The following GOLIM4 variants were observed in gnomAD, a reference collection of about 807,000 sequenced individuals.
GOLIM4 encodes golgi integral membrane protein 4, also known as 130 kDa golgi-localized phosphoprotein.
A neutral mutation model predicts 107.4 loss-of-function variants in GOLIM4; 71 were observed. The observed-to-expected ratio is 0.66, with a 90% CI of 0.55 to 0.81. GOLIM4 has a LOEUF of 0.81. Among genes scored for constraint, GOLIM4 ranks in the 30% least tolerant of loss-of-function variants. The probability of loss-of-function intolerance (pLI) is 0.00; values close to 1 mark genes in which losing one functional copy is unlikely to be tolerated. For synonymous variants in GOLIM4, 327 were observed against 294.8 expected (o/e 1.11, Z -1.12); for missense variants, 830 against 826.1 (o/e 1.00, Z -0.06).
In GOLIM4 at chr3:168,036,965, T is replaced by C. The variant is rs1718685757; in HGVS notation, c.714A>G (p.Lys238=). The change falls in exon 8 of 16, where the codon AAA becomes AAG. Residue 238 remains lysine (K), a synonymous_variant. Transcript: ENST00000470487. ...QTQVAEYKQL[K]DTLNRIPSLR... Reference sequence around the variant, plus strand: ...GGCTTGGAATCCTATTCAGAGTATCTTTCAGTTGTTTATATTCTGCAACTT... The same window carrying C: ...GGCTTGGAATCCTATTCAGAGTATCCTTCAGTTGTTTATATTCTGCAACTT... 1.3e-6 allele frequency: 2 copies of C among 1,587,370 alleles called. No homozygotes were observed. The highest frequency in any genetic ancestry group is 2.8e-5 in the African/African-American group (2 of 70,224).
intron 14 of GOLIM4, among the ~76,000 whole-genome samples, chr3:168,013,013 T>A (rs964042636): frequency 2.0e-5 from 3 of 148,006 alleles, no homozygotes; most frequent in African/African-American, 7.9e-5. Flanking sequence ...AACATCATAA[T>A]GACAGGATGA....
intron 1 of GOLIM4, among the ~76,000 whole-genome samples, chr3:168,081,289 A>G (rs1353120053): frequency 6.6e-6 from 1 of 152,216 alleles, no homozygotes; most frequent in Non-Finnish European, 1.5e-5. Flanking sequence ...ATCCTTATGG[A>G]GCCTGCCTAG....
At chr3:168,086,052 TA>T (rs1319356692) in intron 1 of GOLIM4, among the ~76,000 whole-genome samples, 1 of 151,900 alleles carries the variant, frequency 6.6e-6, no homozygotes, top group South Asian at 2.1e-4. Context: ...GCCTATACAG[TA>T]AAAAAAATTA....
chr3:168,081,788 TC>T (rs1198567128), intron 1 of GOLIM4, among the ~76,000 whole-genome samples: 1 of 152,216 alleles, frequency 6.6e-6, no homozygotes, highest in African/African-American at 2.4e-5. Context: ...TACACATTTC[TC>T]ATGTAATTGC....
intron 1 of GOLIM4, among the ~76,000 whole-genome samples, chr3:168,067,682 A>AATTATAGGAATTATAAAGT (rs1720621659): frequency 6.6e-6 from 1 of 152,148 alleles, no homozygotes; most frequent in Admixed American, 6.5e-5. Context: ...TAATAAAAGT[A>AATTATAGGAATTATAAAGT]ATTATAGGAA....
chr3:168,012,901 G>T (rs1322417594), intron 14 of GOLIM4, among the ~76,000 whole-genome samples: 1 of 151,682 alleles, frequency 6.6e-6, no homozygotes, highest in Non-Finnish European at 1.5e-5. Context: ...GCTAAACATG[G>T]AAAGGAACAA....
intron 1 of GOLIM4, among the ~76,000 whole-genome samples, chr3:168,066,745 TTA>T (rs1720567297): frequency 1.3e-5 from 2 of 152,154 alleles, no homozygotes; most frequent in African/African-American, 2.4e-5. Context: ...TGATTTAAAA[TTA>T]CTAGTATCTA....
intron 13 of GOLIM4, 90 bp from the exon 14 acceptor site, chr3:168,024,684 A>G: frequency 9.2e-7 from 1 of 1,083,188 alleles, no homozygotes; most frequent in Non-Finnish European, 1.4e-6. Flanking sequence ...GCATGCCACC[A>G]TGAAAAGGGC....
chr3:168,013,172 T>A (rs1717156560), intron 14 of GOLIM4, among the ~76,000 whole-genome samples: 2 of 150,670 alleles, frequency 1.3e-5, no homozygotes, highest in South Asian at 4.2e-4. Flanking sequence ...ACACATAGGC[T>A]CAAAATAAAA....
intron 1 of GOLIM4, among the ~76,000 whole-genome samples, chr3:168,070,480 G>C (rs1024635084): frequency 1.3e-5 from 2 of 152,158 alleles, no homozygotes; most frequent in Admixed American, 6.5e-5. Context: ...AAAATACATA[G>C]TTTCTTCATC....
intron 12 of GOLIM4, among the ~76,000 whole-genome samples, chr3:168,026,415 G>A (rs1343006202): frequency 6.6e-6 from 1 of 152,170 alleles, no homozygotes; most frequent in Admixed American, 6.5e-5. Context: ...GAATTAGCAG[G>A]CACAGTTGTT....
chr3:168,075,306 T>C (rs1318722391), intron 1 of GOLIM4, among the ~76,000 whole-genome samples: 1 of 110,558 alleles, frequency 9.0e-6, no homozygotes, highest in African/African-American at 3.5e-5. Context: ...TTTTTTTTTT[T>C]TTTTTTTTGA....
chr3:168,056,798 G>A (rs983087406), intron 1 of GOLIM4, among the ~76,000 whole-genome samples: 9 of 152,222 alleles, frequency 5.9e-5, no homozygotes, highest in African/African-American at 2.2e-4. Context: ...TATCTAGGAA[G>A]TAATTAACTT....
intron 4 of GOLIM4, 70 bp downstream of exon 4, chr3:168,044,758 G>A (rs1294267473): frequency 1.2e-6 from 1 of 832,278 alleles, no homozygotes; most frequent in Admixed American, 2.8e-5. Flanking sequence ...TCACTTTAAA[G>A]GCCATTAGTC....
intron 1 of GOLIM4, among the ~76,000 whole-genome samples, chr3:168,078,343 AC>A (rs1195802535): frequency 6.6e-6 from 1 of 152,198 alleles, no homozygotes; most frequent in Non-Finnish European, 1.5e-5. Flanking sequence ...AAAATCAATT[AC>A]ATTTTTATAC....
intron 5 of GOLIM4, among the ~76,000 whole-genome samples, chr3:168,043,080 C>T (rs1719107875): frequency 6.6e-6 from 1 of 152,196 alleles, no homozygotes; most frequent in Non-Finnish European, 1.5e-5. Flanking sequence ...GAGATGCTAT[C>T]TGTCTCGCAA....
At position 168,029,800 on chromosome 3, in the gene GOLIM4, C is replaced by T. The variant is rs370924739; in HGVS notation, c.1413G>A (p.Pro471=). Reference sequence around the variant, plus strand: ...GCTACCGGAGCTGCTCCTGGTGCTGCGGCCGGCCCTCCTCAAGCTCAGCCT... The same window carrying T: ...GCTACCGGAGCTGCTCCTGGTGCTGTGGCCGGCCCTCCTCAAGCTCAGCCT... ...QRQAELEEGR[P]QHQEQLRQQA... is the part of the protein sequence containing the mutation. The change falls in exon 10 of 16, where the codon CCG becomes CCA. Residue 471 remains proline, a synonymous_variant. Transcript: ENST00000470487. The T allele has an allele frequency of 1.1e-5, 18 of 1,613,596 alleles. No homozygotes were observed. Among genetic ancestry groups the T allele is most frequent in the African/African-American group, 1.3e-5 (1 of 74,900 alleles).
At chr3:168,085,686 T>C (rs1721583215) in intron 1 of GOLIM4, among the ~76,000 whole-genome samples, 1 of 151,916 alleles carries the variant, frequency 6.6e-6, no homozygotes, top group Non-Finnish European at 1.5e-5. Flanking sequence ...TGACTCAGAG[T>C]GGAACCAAGA....
At chr3:168,075,877 T>C (rs1721061962) in intron 1 of GOLIM4, among the ~76,000 whole-genome samples, 3 of 152,184 alleles carry the variant, frequency 2.0e-5, no homozygotes, top group South Asian at 2.1e-4. Flanking sequence ...TATAAACAAA[T>C]TGCTATTTGG....
Sources: gnomAD v4.1 joint callset for allele counts (sites outside exome capture counted in the v4.1 genomes callset) on GRCh38, gnomAD v4.1.1 for gene constraint, MANE v1.5 for transcripts, NCBI Gene and HGNC (gene_info 2026-07-23, HGNC 2026-07-21) for gene names.